TENM2: variants seen among roughly 807,000 people sequenced by gnomAD.
The protein encoded by TENM2 is teneurin-2.
A neutral mutation model predicts 245.2 loss-of-function variants in TENM2; 52 were observed. The ratio of observed to expected loss-of-function variants is 0.21; its 90% CI spans 0.17 to 0.27. The LOEUF is 0.27. Ranked by LOEUF, TENM2 falls within the 10% of genes least tolerant of loss-of-function variation. The pLI is 1.00. For synonymous variants in TENM2, 1,363 were observed against 1,438.9 expected, an observed-to-expected ratio of 0.95 and a Z score of 1.19; for missense variants, 3,046 against 3,666.8, an observed-to-expected ratio of 0.83 and a Z score of 4.37.
At chr5:167,192,541 A>G in the TENM2 span, among the ~76,000 whole-genome samples, 1 of 152,100 alleles carries the variant, frequency 6.6e-6, no homozygotes, top group Non-Finnish European at 1.5e-5. Flanking sequence ...GTAGGATGCC[A>G]TTGTACAAGG....
In TENM2 at chr5:167,681,456, C is replaced by T. The variant is rs150000616; in HGVS notation, c.503-194530C>T. ...ATGTTATACCTATTTTATGTGATGTCATAAGCAATGATGGAATGAATAACT... is the reference window on the plus strand; with the variant it reads ...ATGTTATACCTATTTTATGTGATGTTATAAGCAATGATGGAATGAATAACT... On this transcript the variant is annotated intron_variant, in intron 2 of 28. Coordinates refer to ENST00000518659, the Ensembl canonical transcript of TENM2. Among the ~76,000 whole-genome samples, 853 of 152,120 alleles carry T rather than the reference C, an allele frequency of 5.6e-3. 6 individuals are homozygous for T. The highest frequency in any genetic ancestry group is 0.019 in the African/African-American group (808 of 41,522).
At chr5:167,811,048 A>G (rs1766598681) in intron 2 of TENM2, among the ~76,000 whole-genome samples, 2 of 152,296 alleles carry the variant, frequency 1.3e-5, no homozygotes, top group South Asian at 4.1e-4. Context: ...TGAGAACAGA[A>G]TTGAGAAGAA....
chr5:167,731,651 C>G (rs1261779238), intron 2 of TENM2, among the ~76,000 whole-genome samples: 1 of 146,988 alleles, frequency 6.8e-6, no homozygotes, highest in Non-Finnish European at 1.5e-5. Context: ...CTAATTGAAT[C>G]TCTTCATGGA....
chr5:167,796,697 G>A (rs1348460256), intron 2 of TENM2, among the ~76,000 whole-genome samples: 1 of 152,028 alleles, frequency 6.6e-6, no homozygotes, highest in South Asian at 2.1e-4. Flanking sequence ...GCTCATGGCT[G>A]CAGGGATGCC....
intron 2 of TENM2, among the ~76,000 whole-genome samples, chr5:167,420,661 C>T (rs1182864240): frequency 1.3e-5 from 2 of 152,232 alleles, no homozygotes; most frequent in Middle Eastern, 3.4e-3. Context: ...ATAAGGCCCA[C>T]CCTGACCATT....
At chr5:167,232,208 C>T in the TENM2 span, among the ~76,000 whole-genome samples, 31,685 of 152,034 alleles carry the variant, frequency 0.21, 3,885 homozygotes, top group African/African-American at 0.34. Flanking sequence ...AGAGTCCCCA[C>T]TGGGGCACTG....
chr5:167,795,528 G>A (rs1351844736), intron 2 of TENM2, among the ~76,000 whole-genome samples: 1 of 152,124 alleles, frequency 6.6e-6, no homozygotes, highest in Non-Finnish European at 1.5e-5. Context: ...AATGACCAGA[G>A]AAGACCCATC....
chr5:167,451,343 G>A (rs746450816), intron 2 of TENM2, among the ~76,000 whole-genome samples: 11 of 152,192 alleles, frequency 7.2e-5, no homozygotes, highest in Non-Finnish European at 1.2e-4. Context: ...AGACAGTGTG[G>A]TGCTGGGAAG....
intron 2 of TENM2, among the ~76,000 whole-genome samples, chr5:167,489,245 G>C (rs931013894): frequency 6.6e-6 from 1 of 152,044 alleles, no homozygotes; most frequent in Non-Finnish European, 1.5e-5. Context: ...TCAAAGTAAG[G>C]GTCTAATGCC....
intron 2 of TENM2, among the ~76,000 whole-genome samples, chr5:167,700,721 C>T (rs960459590): frequency 6.6e-6 from 1 of 152,010 alleles, no homozygotes; most frequent in African/African-American, 2.4e-5. Flanking sequence ...GTAAGAATCT[C>T]AAAGCCAGCA....
chr5:168,026,544 T>C (rs1360517495), intron 5 of TENM2, among the ~76,000 whole-genome samples: 1 of 152,170 alleles, frequency 6.6e-6, no homozygotes, highest in Admixed American at 6.5e-5. Flanking sequence ...ACATAGCTAT[T>C]AATTTATACA....
At chr5:167,181,251 CTGTT>C in the TENM2 span, among the ~76,000 whole-genome samples, 12 of 152,044 alleles carry the variant, frequency 7.9e-5, no homozygotes, top group African/African-American at 2.2e-4. Context: ...TGAAATGAGG[CTGTT>C]TAAGTTTGTT....
intron 2 of TENM2, among the ~76,000 whole-genome samples, chr5:167,640,236 T>G (rs534470459): frequency 6.6e-6 from 1 of 152,324 alleles, no homozygotes; most frequent in Admixed American, 6.5e-5. Context: ...TTTGGTTATC[T>G]CGTTTCTAAT....
chr5:167,582,789 A>G (rs1775183874), intron 2 of TENM2, among the ~76,000 whole-genome samples: 1 of 152,150 alleles, frequency 6.6e-6, no homozygotes, highest in African/African-American at 2.4e-5. Flanking sequence ...CCAGAACAAA[A>G]AGGTAATTTG....
At chr5:167,155,599 C>T in the TENM2 span, among the ~76,000 whole-genome samples, 1 of 152,304 alleles carries the variant, frequency 6.6e-6, no homozygotes, top group African/African-American at 2.4e-5. Context: ...TATTGGGCTT[C>T]ACTCGTGATT....
intron 2 of TENM2, among the ~76,000 whole-genome samples, chr5:167,384,978 G>A (rs552986855): frequency 2.6e-5 from 4 of 152,138 alleles, no homozygotes; most frequent in Non-Finnish European, 4.4e-5. Context: ...CCACACTCCC[G>A]CAGTACAGGG....
In TENM2 at chr5:167,702,553, T is replaced by TATATATATATATATATATATATACATAC. The variant is rs1554102838; in HGVS notation, c.503-173414_503-173413insTATACATACATATATATATATATATATA. Among the ~76,000 whole-genome samples the TATATATATATATATATATATATACATAC allele has an allele frequency of 7.2e-3, 455 of 63,508 alleles. 6 individuals carry two copies. The highest frequency in any genetic ancestry group is 0.04 in the African/African-American group (420 of 10,424). The allele number at this position is 63,508 out of a possible 152,430, so 41.7% of individuals were successfully genotyped here. Reference sequence around the variant, plus strand: ...ATGTATGTATGTATGTGTGTGTGTGTATATATATATATATATATACATATA... The same window carrying TATATATATATATATATATATATACATAC: ...ATGTATGTATGTATGTGTGTGTGTGTATATATATATATATATATATATACATACATATATATATATATATATACATATA... On this transcript the variant is annotated intron_variant, in intron 2 of 28. Coordinates refer to ENST00000518659, the Ensembl canonical transcript of TENM2.
At chr5:168,117,263 C>T (rs1795149578) in intron 9 of TENM2, among the ~76,000 whole-genome samples, 1 of 152,178 alleles carries the variant, frequency 6.6e-6, no homozygotes, top group African/African-American at 2.4e-5. Context: ...CTTCAGCCTG[C>T]CTGCTCCCTT....
chr5:167,318,641 T>G (rs1756525870), intron 1 of TENM2, among the ~76,000 whole-genome samples: 1 of 152,208 alleles, frequency 6.6e-6, no homozygotes, highest in African/African-American at 2.4e-5. Flanking sequence ...CAATGGCAGC[T>G]GAGTCAAAAA....
Sources: gnomAD v4.1 joint callset for allele counts (sites outside exome capture counted in the v4.1 genomes callset) on GRCh38, gnomAD v4.1.1 for gene constraint, MANE v1.5 for transcripts, NCBI Gene and HGNC (gene_info 2026-07-23, HGNC 2026-07-21) for gene names.